Variants in KCNIP4 observed in about 807,000 individuals in gnomAD.
KCNIP4 encodes potassium voltage-gated channel interacting protein 4.
A neutral mutation model predicts 34.0 loss-of-function variants in KCNIP4; 12 were observed. That is an observed-to-expected ratio of 0.35 (90% CI 0.23 to 0.57). The LOEUF is 0.57. KCNIP4 is among the 20% of genes least tolerant of loss of function. The pLI, the probability that KCNIP4 is intolerant of heterozygous loss-of-function variation, is 0.83. For missense variants in KCNIP4, 238 were observed against 311.7 expected (o/e 0.76, Z 1.78); for synonymous variants, 124 against 102.2 (o/e 1.21, Z -1.29).
intron 1 of KCNIP4, among the ~76,000 whole-genome samples, chr4:21,145,209 A>T (rs1752264924): frequency 2.0e-5 from 3 of 152,194 alleles, no homozygotes; most frequent in Admixed American, 1.3e-4. Flanking sequence ...GCAAAGAAGT[A>T]ACCCTAATAC....
chr4:21,694,517 T>TA (rs1203476247), intron 1 of KCNIP4, among the ~76,000 whole-genome samples: 2 of 152,152 alleles, frequency 1.3e-5, no homozygotes, highest in African/African-American at 4.8e-5. Context: ...TCTGCCATGA[T>TA]AAAAAATATG....
chr4:21,396,909 T>C (rs559971463), intron 1 of KCNIP4, among the ~76,000 whole-genome samples: 27 of 152,348 alleles, frequency 1.8e-4, no homozygotes, highest in African/African-American at 6.3e-4. Flanking sequence ...TTCAAATTTC[T>C]GGTGTGCAGA....
At chr4:21,459,318 C>T (rs1171101603) in intron 1 of KCNIP4, among the ~76,000 whole-genome samples, 2 of 152,066 alleles carry the variant, frequency 1.3e-5, no homozygotes, top group Non-Finnish European at 1.5e-5. Flanking sequence ...CCTGGAAACA[C>T]GTTCTGAATT....
At chr4:20,876,608 C>T (rs537298974) in intron 2 of KCNIP4, among the ~76,000 whole-genome samples, 112 of 151,986 alleles carry the variant, frequency 7.4e-4, no homozygotes, top group Middle Eastern at 3.4e-3. Context: ...CTCACTCTGT[C>T]GCCAGGCTGT....
chr4:21,315,871 AT>A (rs1553859156), intron 1 of KCNIP4, among the ~76,000 whole-genome samples: 6 of 152,106 alleles, frequency 3.9e-5, no homozygotes, highest in Non-Finnish European at 1.5e-5. Flanking sequence ...GGTATATTTC[AT>A]TTTGCAGAAT....
At chr4:21,846,463 T>G (rs1724021496) in intron 1 of KCNIP4, 1 of 152,110 alleles carries the variant, frequency 6.6e-6, no homozygotes, top group African/African-American at 2.4e-5. Context: ...ACAAGTCATC[T>G]AACAAGTCTG....
chr4:21,215,290 A>C (rs961378302), intron 1 of KCNIP4, among the ~76,000 whole-genome samples: 19 of 152,250 alleles, frequency 1.2e-4, no homozygotes, highest in South Asian at 2.1e-4. Flanking sequence ...AAGATACTTC[A>C]ATTAGAAAGT....
intron 1 of KCNIP4, among the ~76,000 whole-genome samples, chr4:21,310,050 G>T (rs2109270123): frequency 1.3e-5 from 2 of 152,136 alleles, no homozygotes. Flanking sequence ...GTTTTTTTGA[G>T]ACAAGGCCTT....
intron 1 of KCNIP4, among the ~76,000 whole-genome samples, chr4:21,300,461 T>C (rs1264697481): frequency 6.6e-6 from 1 of 152,126 alleles, no homozygotes; most frequent in East Asian, 1.9e-4. Flanking sequence ...TCATGCCTAC[T>C]GCACTGGCAT....
chr4:21,636,980 T>C (rs1231574565), intron 1 of KCNIP4, among the ~76,000 whole-genome samples: 1 of 152,156 alleles, frequency 6.6e-6, no homozygotes, highest in Non-Finnish European at 1.5e-5. Flanking sequence ...TTGTTGCCTG[T>C]TGTTTTGCTA....
chr4:21,791,127 A>C (rs10021306), intron 1 of KCNIP4, among the ~76,000 whole-genome samples: 2 of 152,050 alleles, frequency 1.3e-5, no homozygotes, highest in East Asian at 1.9e-4. Flanking sequence ...CAGATCTGGA[A>C]GCTGGAAGTC....
At chr4:21,538,264 T>C (rs66513660) in intron 1 of KCNIP4, among the ~76,000 whole-genome samples, 54,953 of 151,900 alleles carry the variant, frequency 0.36, 10,333 homozygotes, top group South Asian at 0.56. Context: ...AAGTGTCAGA[T>C]AGTAAATTTC....
At chr4:20,978,482 A>G (rs1735699245) in intron 1 of KCNIP4, among the ~76,000 whole-genome samples, 1 of 152,200 alleles carries the variant, frequency 6.6e-6, no homozygotes, top group South Asian at 2.1e-4. Flanking sequence ...AGAAGGAGTA[A>G]AACAGTCAAC....
intron 1 of KCNIP4, among the ~76,000 whole-genome samples, chr4:21,683,628 C>T (rs1750572172): frequency 6.6e-6 from 1 of 151,696 alleles, no homozygotes; most frequent in Non-Finnish European, 1.5e-5. Flanking sequence ...GCCACCACGC[C>T]TGGCTAATTT....
intron 1 of KCNIP4, among the ~76,000 whole-genome samples, chr4:21,385,178 A>T (rs1495519): frequency 0.84 from 128,073 of 152,156 alleles, 54,268 homozygotes; most frequent in Non-Finnish European, 0.89. Flanking sequence ...TTTAGATGAA[A>T]GTGTTGCTTA....
chr4:21,932,425 TG>T (rs1218748464), intron 1 of KCNIP4, among the ~76,000 whole-genome samples: 2 of 152,138 alleles, frequency 1.3e-5, no homozygotes, highest in African/African-American at 4.8e-5. Context: ...ATTACCTATG[TG>T]ATACTTGCTA....
chr4:21,187,444 A>G (rs986329262), intron 1 of KCNIP4, among the ~76,000 whole-genome samples: 2 of 152,222 alleles, frequency 1.3e-5, no homozygotes, highest in African/African-American at 4.8e-5. Flanking sequence ...GTAACCTCTA[A>G]GAGTGAGACC....
At chr4:21,895,000 T>C (rs998956955) in intron 1 of KCNIP4, among the ~76,000 whole-genome samples, 2 of 152,180 alleles carry the variant, frequency 1.3e-5, no homozygotes, top group Non-Finnish European at 2.9e-5. Flanking sequence ...CTCTTCTCTC[T>C]TCTTCCCCAA....
chr4:21,446,617 G>T (rs1728016834), intron 1 of KCNIP4, among the ~76,000 whole-genome samples: 1 of 115,730 alleles, frequency 8.6e-6, no homozygotes, highest in African/African-American at 3.3e-5. Flanking sequence ...ACACACTGGG[G>T]CCTGTTGTGG....
Sources: allele counts gnomAD v4.1 joint callset (sites outside exome capture counted in the v4.1 genomes callset), GRCh38; gene constraint gnomAD v4.1.1; transcripts MANE v1.5; gene names NCBI Gene and HGNC (gene_info 2026-07-23, HGNC 2026-07-21).